Variants in MAPKAP1 observed in about 807,000 individuals in gnomAD.
MAPKAP1 encodes MAPK associated protein 1.
Under a neutral mutation model 65.7 loss-of-function variants are expected in MAPKAP1, and 20 were observed. The ratio of observed to expected loss-of-function variants is 0.30; its 90% confidence interval spans 0.21 to 0.44. The LOEUF (loss-of-function observed/expected upper bound fraction) is 0.44, where lower values mean the gene tolerates loss of function less well. Ranked by LOEUF, MAPKAP1 falls within the 20% of genes least tolerant of loss-of-function variation. The probability of loss-of-function intolerance (pLI) is 1.00; values close to 1 mark genes in which losing one functional copy is unlikely to be tolerated. For synonymous variants in MAPKAP1, 222 were observed against 244.3 expected (o/e 0.91, Z 0.85); for missense variants, 423 against 648.0 (o/e 0.65, Z 3.77).
chr9:125,643,035 G>T (rs915710253), intron 4 of MAPKAP1, among the ~76,000 whole-genome samples: 2 of 151,848 alleles, frequency 1.3e-5, no homozygotes, highest in African/African-American at 4.8e-5. Flanking sequence ...GAGTAGCTAG[G>T]ATTACAGGCA....
chr9:125,452,161 C>T (rs1046379596), intron 10 of MAPKAP1, among the ~76,000 whole-genome samples: 2 of 151,836 alleles, frequency 1.3e-5, no homozygotes, highest in Admixed American at 1.3e-4. Context: ...TGCAGTGCTG[C>T]GATCTGGGCT....
At chr9:125,479,945 A>AC (rs1334809797) in intron 9 of MAPKAP1, among the ~76,000 whole-genome samples, 1 of 152,178 alleles carries the variant, frequency 6.6e-6, no homozygotes, top group African/African-American at 2.4e-5. Context: ...GTCAGGAAGG[A>AC]CCTGAAGCAC....
At position 125,693,706 on chromosome 9, in the gene MAPKAP1, TAC is replaced by T. The variant is rs1361453806; in HGVS notation, c.-70+13263_-70+13264del. On this transcript the variant is annotated intron_variant, in intron 1 of 11. Transcript: ENST00000265960. Reference sequence around the variant, plus strand: ...ATACACGTATATATACACGTATATATACACATATATACACGTATATACACATA... The same window carrying T: ...ATACACGTATATATACACGTATATATACATATATACACGTATATACACATA... Among the ~76,000 whole-genome samples, 12 of 102,030 alleles carry T rather than the reference TAC, an allele frequency of 1.2e-4. 2 individuals carry two copies. The highest frequency in any genetic ancestry group is 5.8e-4 in the African/African-American group (11 of 19,074). The allele number at this position is 102,030 out of a possible 152,430, so 66.9% of individuals were successfully genotyped here.
chr9:125,497,172 T>C (rs907347959), intron 8 of MAPKAP1, among the ~76,000 whole-genome samples: 11 of 152,176 alleles, frequency 7.2e-5, no homozygotes, highest in Non-Finnish European at 1.3e-4. Flanking sequence ...TGGATGTTCT[T>C]CCTTCCCATA....
chr9:125,682,664 T>C (rs1478827300), intron 1 of MAPKAP1, among the ~76,000 whole-genome samples: 1 of 152,252 alleles, frequency 6.6e-6, no homozygotes, highest in African/African-American at 2.4e-5. Flanking sequence ...CGTTTTACTT[T>C]AAGATCTTGG....
chr9:125,616,648 A>G (rs771257325), intron 4 of MAPKAP1, among the ~76,000 whole-genome samples: 7 of 152,104 alleles, frequency 4.6e-5, no homozygotes, highest in Non-Finnish European at 8.8e-5. Flanking sequence ...TCATAATGAG[A>G]TACAATTTCA....
chr9:125,660,427 A>G (rs1338584932), intron 3 of MAPKAP1, among the ~76,000 whole-genome samples: 1 of 152,186 alleles, frequency 6.6e-6, no homozygotes, highest in Non-Finnish European at 1.5e-5. Context: ...TGTAAAGCAT[A>G]CCTCAAAAAA....
chr9:125,512,256 G>A lies in MAPKAP1; in HGVS notation c.959-5839C>T, dbSNP rs117674652. Among the ~76,000 whole-genome samples, 652 of 152,328 alleles carry A rather than the reference G, an allele frequency of 4.3e-3. 2 individuals are homozygous for A. Among genetic ancestry groups the A allele is most frequent in the Non-Finnish European group, 6.8e-3 (463 of 68,036 alleles). On this transcript the variant is annotated intron_variant, in intron 7 of 11. Coordinates refer to ENST00000265960, the MANE Select transcript of MAPKAP1 (RefSeq NM_001006617.3). ...CCGAAGAGAGGGAAGACACACTGTC[G>A]CCTCCATTGCTCTGTGTCTTCTTTC...
chr9:125,634,290 C>G (rs1261217019), intron 4 of MAPKAP1, among the ~76,000 whole-genome samples: 2 of 152,158 alleles, frequency 1.3e-5, no homozygotes, highest in African/African-American at 4.8e-5. Context: ...TGTATTTAAT[C>G]TGCTGAAACA....
chr9:125,699,639 T>C (rs1034583940), intron 1 of MAPKAP1, among the ~76,000 whole-genome samples: 2 of 138,782 alleles, frequency 1.4e-5, no homozygotes, highest in African/African-American at 6.2e-5. Flanking sequence ...TGATTTTGAT[T>C]TTTTTTTTTT....
At chr9:125,586,794 C>A (rs1270057927) in intron 4 of MAPKAP1, among the ~76,000 whole-genome samples, 1 of 152,122 alleles carries the variant, frequency 6.6e-6, no homozygotes, top group African/African-American at 2.4e-5. Context: ...AAAAGTGTCA[C>A]AGAAAACGAG....
intron 5 of MAPKAP1, among the ~76,000 whole-genome samples, chr9:125,574,981 G>A (rs1446961239): frequency 6.6e-6 from 1 of 152,174 alleles, no homozygotes; most frequent in East Asian, 1.9e-4. Context: ...CACACTTTCA[G>A]CCACTATGTT....
At chr9:125,648,185 T>C (rs1833785948) in intron 4 of MAPKAP1, among the ~76,000 whole-genome samples, 1 of 152,188 alleles carries the variant, frequency 6.6e-6, no homozygotes, top group African/African-American at 2.4e-5. Context: ...AGGAGCTGAA[T>C]ACCAGCTCTG....
intron 8 of MAPKAP1, among the ~76,000 whole-genome samples, chr9:125,501,315 C>T (rs553607228): frequency 1.4e-4 from 22 of 152,246 alleles, no homozygotes; most frequent in African/African-American, 2.2e-4. Context: ...GACATTTTTT[C>T]CCTTAACATT....
At chr9:125,514,412 A>T (rs1472813893) in intron 7 of MAPKAP1, among the ~76,000 whole-genome samples, 5 of 152,148 alleles carry the variant, frequency 3.3e-5, no homozygotes, top group African/African-American at 1.2e-4. Context: ...TGCTCAAAAA[A>T]TATTCATTAG....
intron 10 of MAPKAP1, among the ~76,000 whole-genome samples, chr9:125,465,977 G>A (rs1281469448): frequency 1.3e-5 from 2 of 152,214 alleles, no homozygotes; most frequent in Non-Finnish European, 2.9e-5. Context: ...AGTGACCACA[G>A]CCCAAATGTG....
chr9:125,601,482 G>A (rs892425321), intron 4 of MAPKAP1, among the ~76,000 whole-genome samples: 7 of 152,114 alleles, frequency 4.6e-5, no homozygotes, highest in Admixed American at 1.3e-4. Flanking sequence ...ATCACTTTAA[G>A]ATTCAATGTT....
intron 9 of MAPKAP1, chr9:125,471,256 A>T (rs1853910350): frequency 6.6e-6 from 1 of 152,382 alleles, no homozygotes; most frequent in South Asian, 2.1e-4. Flanking sequence ...AAGAGAAAGG[A>T]GGCCCAGAAT....
intron 10 of MAPKAP1, among the ~76,000 whole-genome samples, chr9:125,462,586 C>A (rs1853539407): frequency 6.6e-6 from 1 of 152,188 alleles, no homozygotes; most frequent in African/African-American, 2.4e-5. Context: ...TTTACATAAA[C>A]CCTGAAGTCA....
Sources: allele counts gnomAD v4.1 joint callset (sites outside exome capture counted in the v4.1 genomes callset), GRCh38; gene constraint gnomAD v4.1.1; transcripts MANE v1.5; gene names NCBI Gene and HGNC (gene_info 2026-07-23, HGNC 2026-07-21).